The following COG5 variants were observed in gnomAD, a reference collection of about 807,000 sequenced individuals.
COG5 encodes conserved oligomeric Golgi complex subunit 5.
A neutral mutation model predicts 110.4 loss-of-function variants in COG5; 86 were observed. That is an observed-to-expected ratio of 0.78 (90% CI 0.65 to 0.93). The LOEUF (loss-of-function observed/expected upper bound fraction) is 0.93, where lower values mean the gene tolerates loss of function less well. Among genes scored for constraint, COG5 ranks in the 40% least tolerant of loss-of-function variants. The pLI is 0.00. For missense variants in COG5, 1,077 were observed against 987.0 expected (o/e 1.09, Z -1.22); for synonymous variants, 360 against 334.6 (o/e 1.08, Z -0.83).
intron 7 of COG5, among the ~76,000 whole-genome samples, chr7:107,411,954 A>G (rs998070225): frequency 6.6e-6 from 1 of 152,186 alleles, no homozygotes; most frequent in Non-Finnish European, 1.5e-5. Flanking sequence ...TCCAATTCAG[A>G]AAATTAAGCA....
intron 21 of COG5, chr7:107,208,670 C>T (rs1370566306): frequency 1.0e-6 from 1 of 985,432 alleles, no homozygotes; most frequent in Non-Finnish European, 1.2e-6. Flanking sequence ...GGGCTGGTAA[C>T]CTCTCCCATT....
In COG5 at chr7:107,291,425, G is replaced by T. The variant is rs533844023; in HGVS notation, c.1313+6717C>A. ...GTTGCAACTCTGGGTACTGGTCCCC[G>T]CAGCTCTAAGGCTTGTTATTGTTGT... On this transcript the variant is annotated intron_variant, in intron 12 of 21. Transcript: ENST00000297135. 9.2e-5 allele frequency among the ~76,000 whole-genome samples: 14 copies of T among 152,204 alleles called. No homozygotes were observed. The South Asian group carries it at 2.7e-3, about 29-fold the overall frequency.
chr7:107,315,074 C>G (rs367755158), intron 11 of COG5, among the ~76,000 whole-genome samples: 2 of 151,784 alleles, frequency 1.3e-5, no homozygotes, highest in East Asian at 1.9e-4. Flanking sequence ...TTAGGTTTAT[C>G]TCCCTAAGTA....
At chr7:107,520,092 A>T (rs2129150782) in intron 6 of COG5, among the ~76,000 whole-genome samples, 1 of 152,352 alleles carries the variant, frequency 6.6e-6, no homozygotes, top group East Asian at 1.9e-4. Context: ...ATAAAATTCA[A>T]CACACCTTCA....
chr7:107,368,604 A>C (rs1813841972), intron 8 of COG5, among the ~76,000 whole-genome samples: 1 of 152,202 alleles, frequency 6.6e-6, no homozygotes, highest in Non-Finnish European at 1.5e-5. Flanking sequence ...AAAAGCATGT[A>C]TCTTAAAATT....
At chr7:107,430,549 T>C (rs1793954514) in intron 6 of COG5, among the ~76,000 whole-genome samples, 1 of 152,224 alleles carries the variant, frequency 6.6e-6, no homozygotes, top group Admixed American at 6.5e-5. Context: ...CTTTCTCAAG[T>C]TGATTTTGGC....
intron 5 of COG5, among the ~76,000 whole-genome samples, chr7:107,546,435 G>GT (rs754919944): frequency 0.29 from 34,766 of 119,436 alleles, 5,440 homozygotes; most frequent in East Asian, 0.33. Flanking sequence ...TTGGTTTTTT[G>GT]TTTTTTTTTT....
intron 17 of COG5, among the ~76,000 whole-genome samples, chr7:107,242,226 A>T (rs958662324): frequency 6.6e-6 from 1 of 152,206 alleles, no homozygotes; most frequent in Non-Finnish European, 1.5e-5. Flanking sequence ...CTAATCAAGG[A>T]AACAACCTGA....
At chr7:107,364,841 C>T (rs1488494020) in intron 8 of COG5, among the ~76,000 whole-genome samples, 1 of 152,064 alleles carries the variant, frequency 6.6e-6, no homozygotes, top group Non-Finnish European at 1.5e-5. Flanking sequence ...AAGATGTTGG[C>T]TTAAAAAATA....
chr7:107,458,122 G>A (rs1795776131), intron 6 of COG5, among the ~76,000 whole-genome samples: 1 of 152,190 alleles, frequency 6.6e-6, no homozygotes, highest in African/African-American at 2.4e-5. Flanking sequence ...AGAATAAAGT[G>A]TGTGTATAGA....
chr7:107,430,050 T>C (rs770282295), intron 6 of COG5, among the ~76,000 whole-genome samples: 1 of 152,240 alleles, frequency 6.6e-6, no homozygotes, highest in Non-Finnish European at 1.5e-5. Flanking sequence ...TTTCTGATTC[T>C]GTGGATTGTC....
At chr7:107,348,258 A>G (rs1471424856) in intron 10 of COG5, among the ~76,000 whole-genome samples, 1 of 151,770 alleles carries the variant, frequency 6.6e-6, no homozygotes, top group Non-Finnish European at 1.5e-5. Context: ...ATTCCTGAGC[A>G]TAACTGGACT....
In COG5 at chr7:107,475,153, C is replaced by T. The variant is rs754802816; in HGVS notation, c.538+52084G>A. On this transcript the variant is annotated intron_variant, in intron 6 of 21. Coordinates refer to ENST00000297135, the MANE Select transcript of COG5 (RefSeq NM_006348.5). ...TTATGGAACAACTATATTTCACCCT[C>T]TATTATATGCATTCACTAGACAAAA... 4 of 1,609,320 alleles carry T rather than the reference C, an allele frequency of 2.5e-6. No homozygotes were observed. In the South Asian group the frequency reaches 4.4e-5, roughly 18 times the overall value.
At chr7:107,408,471 A>G (rs1045804136) in intron 7 of COG5, among the ~76,000 whole-genome samples, 6 of 152,204 alleles carry the variant, frequency 3.9e-5, no homozygotes, top group Non-Finnish European at 7.3e-5. Flanking sequence ...AATAATGTGG[A>G]TGATACTAAG....
chr7:107,227,161 T>C (rs1202024831), intron 19 of COG5, among the ~76,000 whole-genome samples: 1 of 152,070 alleles, frequency 6.6e-6, no homozygotes, highest in Non-Finnish European at 1.5e-5. Context: ...AGGCCATGAG[T>C]GGGTCATTAA....
rs1044192235 is a variant in COG5 at position 107,248,317 on chromosome 7, G to A, written c.1853+79C>T. 8.6e-6 allele frequency: 8 copies of A among 925,614 alleles called. No individual in the cohort carries two copies. The East Asian group carries it at 9.6e-5, about 11-fold the overall frequency. The allele number at this position is 925,614 out of a possible 1,614,324, so 57.3% of individuals were successfully genotyped here. A position where few individuals can be genotyped will look rare whatever the true frequency, so the allele number is the denominator to read the frequency against. Reference sequence around the variant, plus strand: ...CAAGGCCCTGGATGGCAGGGGGGCAGCTTAGGGAGTAAGCATAGAGGTGGG... The same window carrying A: ...CAAGGCCCTGGATGGCAGGGGGGCAACTTAGGGAGTAAGCATAGAGGTGGG... On this transcript the variant is annotated intron_variant, in intron 17 of 21. Transcript: ENST00000297135.
chr7:107,325,633 A>G (rs1156708669), intron 10 of COG5, among the ~76,000 whole-genome samples: 1 of 152,118 alleles, frequency 6.6e-6, no homozygotes, highest in African/African-American at 2.4e-5. Flanking sequence ...CCTGGGCAAC[A>G]GACCAAAACT....
At chr7:107,339,739 T>C (rs995537140) in intron 10 of COG5, among the ~76,000 whole-genome samples, 19 of 151,864 alleles carry the variant, frequency 1.3e-4, no homozygotes, top group African/African-American at 3.6e-4. Flanking sequence ...CACAATTACA[T>C]GGAAATTAAA....
At chr7:107,489,657 A>C (rs893658645) in intron 6 of COG5, among the ~76,000 whole-genome samples, 1 of 152,228 alleles carries the variant, frequency 6.6e-6, no homozygotes, top group Non-Finnish European at 1.5e-5. Context: ...TACTTACTTC[A>C]GAATGCACGT....
Sources: allele counts gnomAD v4.1 joint callset (sites outside exome capture counted in the v4.1 genomes callset), GRCh38; gene constraint gnomAD v4.1.1; transcripts MANE v1.5; gene names NCBI Gene and HGNC (gene_info 2026-07-23, HGNC 2026-07-21).